Variants in FKBP6 observed in about 807,000 individuals in gnomAD.
FKBP6 encodes FKBP prolyl isomerase family member 6 (inactive), also known as inactive peptidyl-prolyl cis-trans isomerase FKBP6.
FKBP6 carries 29 observed loss-of-function variants against 41.7 expected under a neutral mutation model. That is an observed-to-expected ratio of 0.70 (90% CI 0.52 to 0.95). FKBP6 has a LOEUF of 0.95. Ranked by LOEUF, FKBP6 falls within the 40% of genes least tolerant of loss-of-function variation. FKBP6 has a pLI of 0.00. For missense variants in FKBP6, 338 were observed against 408.7 expected, an observed-to-expected ratio of 0.83 and a Z score of 1.49; for synonymous variants, 130 against 165.1, an observed-to-expected ratio of 0.79 and a Z score of 1.63.
chr7:73,340,416 C>T (rs1337631185), intron 5 of FKBP6, among the ~76,000 whole-genome samples: 2 of 152,126 alleles, frequency 1.3e-5, no homozygotes, highest in South Asian at 2.1e-4. Flanking sequence ...ACTCAGAAGG[C>T]GGAGGTTGCA....
At chr7:73,353,764 C>T (rs550447008) in intron 8 of FKBP6, among the ~76,000 whole-genome samples, 9 of 150,046 alleles carry the variant, frequency 6.0e-5, no homozygotes, top group South Asian at 2.1e-4. Context: ...GGCAAAGTCT[C>T]GCTCTATTGC....
chr7:73,336,510 T>C (rs1246556389), intron 5 of FKBP6, among the ~76,000 whole-genome samples: 1 of 152,182 alleles, frequency 6.6e-6, no homozygotes, highest in Non-Finnish European at 1.5e-5. Context: ...GCAGTAGTTG[T>C]GCTGGAGCTC....
At position 73,329,414 on chromosome 7, in the gene FKBP6, T is replaced by G. The variant is rs782149133; in HGVS notation, c.230T>G (p.Phe77Cys). The part of the protein sequence containing the change: ...HMDRPFDSNY[F>C]RKTPRLMKLG... The stretch of plus-strand genomic sequence containing the variant: ...GACAGACCCTTCGATTCTAATTACT[T>G]TAGGAAAACTCCTCGGCTAATGAAA... Residue 77 changes from phenylalanine (F) to cysteine (C), a missense_variant, in exon 3 of 9, where the codon TTT becomes TGT. Phe to Cys is a radical substitution (Grantham distance 205, BLOSUM62 -2). Transcript: ENST00000252037. 9.3e-6 allele frequency: 15 copies of G among 1,607,814 alleles called. No homozygotes were observed. Among genetic ancestry groups the G allele is most frequent in the African/African-American group, 1.3e-5 (1 of 74,756 alleles).
At chr7:73,329,686 T>G (rs1408220876) in intron 3 of FKBP6, 1 of 592,212 alleles carries the variant, frequency 1.7e-6, no homozygotes, top group East Asian at 2.8e-5. Flanking sequence ...GAATGTTTCT[T>G]TGTTCATTTA....
At chr7:73,337,126 C>A in intron 5 of FKBP6, 1 of 273,522 alleles carries the variant, frequency 3.7e-6, no homozygotes, top group South Asian at 3.5e-5. Context: ...AGGGTTCAGG[C>A]GTGAGGTTCC....
At chr7:73,343,862 ATC>A (rs1202612357) in intron 8 of FKBP6, among the ~76,000 whole-genome samples, 4 of 152,236 alleles carry the variant, frequency 2.6e-5, no homozygotes, top group African/African-American at 9.6e-5. Flanking sequence ...ATGGTGATAA[ATC>A]TCTCCTTTGT....
intron 8 of FKBP6, among the ~76,000 whole-genome samples, chr7:73,349,358 G>C (rs1318291236): frequency 3.3e-5 from 5 of 150,030 alleles, no homozygotes; most frequent in African/African-American, 1.2e-4. Flanking sequence ...GCGGTAAGCT[G>C]CACACCACTG....
chr7:73,350,600 G>A (rs182587492), intron 8 of FKBP6, among the ~76,000 whole-genome samples: 1 of 152,240 alleles, frequency 6.6e-6, no homozygotes, highest in Non-Finnish European at 1.5e-5. Flanking sequence ...ATTGAGCCCT[G>A]CTACTTGGCC....
intron 6 of FKBP6, 138 bp downstream of exon 6, chr7:73,340,970 A>G (rs1805163512): frequency 2.8e-6 from 2 of 709,668 alleles, no homozygotes; most frequent in African/African-American, 2.1e-5. Flanking sequence ...GTTGCCCAGG[A>G]TGGAGTGCAG....
chr7:73,337,592 G>T (rs1489443297), intron 5 of FKBP6, among the ~76,000 whole-genome samples: 1 of 152,058 alleles, frequency 6.6e-6, no homozygotes. Flanking sequence ...GGGATTCCAG[G>T]TGTGAGCCAT....
At chr7:73,340,919 T>A in intron 6 of FKBP6, 87 bp downstream of exon 6, 27 of 252,748 alleles carry the variant, frequency 1.1e-4, no homozygotes, top group Non-Finnish European at 1.7e-4. Context: ...AATGCTGTCT[T>A]TTTTTTTTTT....
chr7:73,333,908 C>G (rs1278802538), intron 5 of FKBP6, among the ~76,000 whole-genome samples: 2 of 152,054 alleles, frequency 1.3e-5, no homozygotes, highest in African/African-American at 4.8e-5. Context: ...CCCGTCTCTA[C>G]TAAAAATACA....
chr7:73,354,454 G>T (rs782654017), intron 8 of FKBP6, among the ~76,000 whole-genome samples: 1 of 152,298 alleles, frequency 6.6e-6, no homozygotes, highest in African/African-American at 2.4e-5. Context: ...CTGAGAAGCC[G>T]CCTGGCAGGA....
rs549452958 is a variant in FKBP6, at chr7:73,335,673, C to G, written c.588+3897C>G. On this transcript the variant is annotated intron_variant, in intron 5 of 8. Transcript: ENST00000252037. ...CTTTATTCAGCCCCACCAGATAGCT[C>G]TAATTCCTGGTTCCATCAGTTCCTA... 1.1e-4 allele frequency among the ~76,000 whole-genome samples: 16 copies of G among 152,210 alleles called. 1 individual carries two copies. In the South Asian group the frequency reaches 3.3e-3, roughly 32 times the overall value.
chr7:73,338,126 A>C (rs1394566023), intron 5 of FKBP6, among the ~76,000 whole-genome samples: 2 of 152,076 alleles, frequency 1.3e-5, no homozygotes, highest in East Asian at 3.9e-4. Context: ...CCCAGGTTCA[A>C]GCGATTCTCC....
intron 4 of FKBP6, among the ~76,000 whole-genome samples, 197 bp downstream of exon 4, chr7:73,330,549 A>G (rs1238507569): frequency 1.3e-5 from 2 of 151,880 alleles, no homozygotes; most frequent in African/African-American, 2.4e-5. Flanking sequence ...GTGTAGATAA[A>G]TGTGCTGGGC....
chr7:73,355,833 G>C (rs782332282), intron 8 of FKBP6, among the ~76,000 whole-genome samples: 2 of 151,934 alleles, frequency 1.3e-5, no homozygotes, highest in East Asian at 3.9e-4. Context: ...TTGGGAGGCC[G>C]AAGCAGGCAG....
intron 8 of FKBP6, among the ~76,000 whole-genome samples, chr7:73,355,889 A>T (rs1396506997): frequency 6.6e-6 from 1 of 151,748 alleles, no homozygotes; most frequent in African/African-American, 2.4e-5. Context: ...ACACAGTGAA[A>T]CTCCGTCTCT....
chr7:73,328,658 T>C lies in FKBP6; in HGVS notation c.141T>C (p.Ala47=). 1.2e-6 allele frequency: 2 copies of C among 1,611,588 alleles called. No individual in the cohort carries two copies. Among genetic ancestry groups the C allele is most frequent in the Non-Finnish European group, 1.7e-6 (2 of 1,179,736 alleles). ...TGAAGGACGTCATCCGAGAAGGAGCTGGAGACCTAGTGGCGCCTGATGCTT... is the reference window on the plus strand; with the variant it reads ...TGAAGGACGTCATCCGAGAAGGAGCCGGAGACCTAGTGGCGCCTGATGCTT... ...GVLKDVIREG[A]GDLVAPDASV... Residue 47 remains alanine, a synonymous_variant, in exon 2 of 9, where the codon GCT becomes GCC. Transcript: ENST00000252037.
Sources: gnomAD v4.1 joint callset for allele counts (sites outside exome capture counted in the v4.1 genomes callset) on GRCh38, gnomAD v4.1.1 for gene constraint, MANE v1.5 for transcripts, NCBI Gene and HGNC (gene_info 2026-07-23, HGNC 2026-07-21) for gene names.